Variants in HS1BP3 observed in about 807,000 individuals in gnomAD.
HS1BP3 encodes the protein HCLS1-binding protein 3.
Under a neutral mutation model 33.5 loss-of-function variants are expected in HS1BP3, and 32 were observed. That is an observed-to-expected ratio of 0.95 (90% confidence interval 0.72 to 1.28). The LOEUF is 1.28. Among genes scored for constraint, HS1BP3 ranks in the 50% most tolerant of loss-of-function variants. HS1BP3 has a pLI of 0.00. For synonymous variants in HS1BP3, 187 were observed against 209.2 expected (o/e 0.89, Z 0.92); for missense variants, 486 against 502.3 (o/e 0.97, Z 0.31).
At chr2:20,598,187 T>A (rs748799138) in intron 3 of HS1BP3, 2 of 335,556 alleles carry the variant, frequency 6.0e-6, no homozygotes, top group South Asian at 4.7e-5. Context: ...TAATATATAA[T>A]GAAATAATGA....
At chr2:20,595,776 A>G (rs1693928957) in intron 3 of HS1BP3, among the ~76,000 whole-genome samples, 1 of 152,222 alleles carries the variant, frequency 6.6e-6, no homozygotes, top group African/African-American at 2.4e-5. Flanking sequence ...CCTGCTGGGC[A>G]GGGAAGTGGG....
chr2:20,623,943 C>T lies in HS1BP3; in HGVS notation c.873G>A (p.Gly291=), dbSNP rs376602666. ...LLLPAACESG[G]PTPSLSHRDA... The stretch of plus-strand genomic sequence containing the variant: ...CCCTGTGGCTGAGGCTGGGTGTGGG[C>T]CCTCCACTCTCACAGGCGGCTGGCA... The change falls in exon 6 of 7, where the codon GGG becomes GGA. Residue 291 remains glycine (G), a synonymous_variant. Transcript: ENST00000304031. 1.2e-6 allele frequency: 2 copies of T among 1,612,380 alleles called. No homozygotes were observed. The highest frequency in any genetic ancestry group is 1.7e-6 in the Non-Finnish European group (2 of 1,179,892).
intron 2 of HS1BP3, among the ~76,000 whole-genome samples, chr2:20,610,101 G>A (rs886533225): frequency 2.0e-5 from 3 of 152,092 alleles, no homozygotes; most frequent in Non-Finnish European, 4.4e-5. Context: ...ATTGAACAGA[G>A]AGTACAAAGT....
intron 5 of HS1BP3, among the ~76,000 whole-genome samples, chr2:20,562,588 G>A (rs1693027690): frequency 6.6e-6 from 1 of 152,190 alleles, no homozygotes; most frequent in African/African-American, 2.4e-5. Flanking sequence ...CTGCAGAGGG[G>A]GTCACAGGAA....
chr2:20,636,141 G>A (rs933636182), intron 4 of HS1BP3: 3 of 152,352 alleles, frequency 2.0e-5, no homozygotes, highest in African/African-American at 7.2e-5. Context: ...CGCACGGGAG[G>A]GAGAGGGGTG....
At chr2:20,564,445 T>C (rs1456700774) in intron 5 of HS1BP3, among the ~76,000 whole-genome samples, 1 of 152,206 alleles carries the variant, frequency 6.6e-6, no homozygotes, top group African/African-American at 2.4e-5. Context: ...CTTTATTCTT[T>C]TTCTAGTTCC....
chr2:20,624,215 C>A (rs1313959857), intron 5 of HS1BP3, among the ~76,000 whole-genome samples, 184 bp from the exon 6 acceptor site: 2 of 152,178 alleles, frequency 1.3e-5, no homozygotes, highest in South Asian at 2.1e-4. Context: ...TCCCCAGGGG[C>A]CCCCGGGGCC....
At chr2:20,628,407 A>G (rs1056914531) in intron 4 of HS1BP3, among the ~76,000 whole-genome samples, 1 of 152,136 alleles carries the variant, frequency 6.6e-6, no homozygotes, top group African/African-American at 2.4e-5. Context: ...GTTTAAAGCA[A>G]AAAGTTTACG....
At chr2:20,566,305 C>T (rs916321394) in intron 5 of HS1BP3, among the ~76,000 whole-genome samples, 1 of 152,256 alleles carries the variant, frequency 6.6e-6, no homozygotes, top group East Asian at 1.9e-4. Flanking sequence ...ACTGCTTGGG[C>T]TGACTCCTTC....
At chr2:20,609,109 G>A (rs1694261480) in intron 2 of HS1BP3, among the ~76,000 whole-genome samples, 1 of 152,238 alleles carries the variant, frequency 6.6e-6, no homozygotes, top group Non-Finnish European at 1.5e-5. Context: ...AAACACAGGT[G>A]TTCAAGGGCC....
rs749637149 is a variant in HS1BP3, at chr2:20,645,447, G to T, written c.91C>A (p.Arg31=). 1.2e-6 allele frequency: 2 copies of T among 1,614,024 alleles called. No homozygotes were observed. The highest frequency in any genetic ancestry group is 8.5e-7 in the Non-Finnish European group (1 of 1,179,976). ...ACGTGTCCAGACATCATCTTGCCCC[G>T]TACCTCCTGGTGCTGGGGCACAGTC... ...DLTVPQHQEV[R]GKMMSGHVEY... The change falls in exon 2 of 7, where the codon CGG becomes AGG. Residue 31 remains arginine, a synonymous_variant. Coordinates refer to ENST00000304031, the MANE Select transcript of HS1BP3 (RefSeq NM_022460.4).
chr2:20,619,208 C>T lies in HS1BP3; in HGVS notation c.958G>A (p.Ala320Thr). The change falls in exon 7 of 7, where the codon GCT (alanine) becomes ACT (threonine). Residue 320 changes from alanine (A) to threonine (T), a missense_variant. Transcript: ENST00000304031. ...AGCTGGGGCTTGGGTTTGGGCTCAG[C>T]TCCCAGGTTCAGAATCTGGTCCAAG... ...EDLDQILNLGAEPKPKPQLKP... is the reference protein window; with the variant it reads ...EDLDQILNLGTEPKPKPQLKP... 1.2e-6 allele frequency: 2 copies of T among 1,612,526 alleles called. No individual in the cohort carries two copies. Among genetic ancestry groups the T allele is most frequent in the Non-Finnish European group, 1.7e-6 (2 of 1,179,076 alleles).
chr2:20,640,854 C>A, intron 3 of HS1BP3, 119 bp downstream of exon 3: 2 of 994,956 alleles, frequency 2.0e-6, no homozygotes, highest in Non-Finnish European at 3.1e-6. Context: ...GCCTCACCAG[C>A]CTGGCTGAAG....
intron 5 of HS1BP3, among the ~76,000 whole-genome samples, chr2:20,573,173 T>G (rs1693315931): frequency 6.6e-6 from 1 of 152,194 alleles, no homozygotes; most frequent in Admixed American, 6.5e-5. Flanking sequence ...ATAATTAAGC[T>G]GAAGGTCTTG....
rs1044232732 is a variant in HS1BP3, at chr2:20,611,336, A to G, written c.178+12560T>C. Among the ~76,000 whole-genome samples the G allele has an allele frequency of 6.6e-6, 1 of 152,074 alleles. No homozygotes were observed. On this transcript the variant is annotated intron_variant, in intron 2 of 3. Coordinates refer to the HS1BP3 transcript ENST00000415264. This position sits in a 1 kb window ranked among gnomAD's most constrained non-coding sequence, Gnocchi z 4.9. ...GGGAACGCTGGCTCACTCCCTCCCA[A>G]AGTGATTGAGGGTTGATAAGGAAGC...
intron 2 of HS1BP3, among the ~76,000 whole-genome samples, chr2:20,609,668 G>T (rs1056779009): frequency 1.3e-5 from 2 of 152,204 alleles, no homozygotes; most frequent in Admixed American, 6.5e-5. Context: ...ACAACACAGG[G>T]TAACTAGAGG....
chr2:20,567,439 G>A (rs1343506931), intron 5 of HS1BP3, among the ~76,000 whole-genome samples: 2 of 152,168 alleles, frequency 1.3e-5, no homozygotes, highest in Admixed American at 1.3e-4. Flanking sequence ...GGAGGGCCCG[G>A]CCCCAAGTAT....
At chr2:20,571,363 G>A (rs1386968209) in intron 5 of HS1BP3, among the ~76,000 whole-genome samples, 8 of 152,156 alleles carry the variant, frequency 5.3e-5, no homozygotes, top group Non-Finnish European at 8.8e-5. Context: ...CCTGAGCCCC[G>A]GGGCCACCCC....
At chr2:20,591,632 C>T (rs948396358), downstream of HS1BP3, among the ~76,000 whole-genome samples, 2 of 152,196 alleles carry the variant, frequency 1.3e-5, no homozygotes, top group Non-Finnish European at 2.9e-5. Flanking sequence ...AGTACAGTGG[C>T]GCGATCTTGG....
Sources: gnomAD v4.1 joint callset for allele counts (sites outside exome capture counted in the v4.1 genomes callset) on GRCh38, gnomAD v4.1.1 for gene constraint, Gnocchi (gnomAD v3.1) non-coding constraint, MANE v1.5 for transcripts, NCBI Gene and HGNC (gene_info 2026-07-23, HGNC 2026-07-21) for gene names.